Variants in PDZD8 observed in about 807,000 individuals in gnomAD.
PDZD8 encodes PDZ domain-containing protein 8.
PDZD8 carries 14 observed loss-of-function variants against 85.8 expected under a neutral mutation model. That is an observed-to-expected ratio of 0.16 (90% CI 0.11 to 0.26). The LOEUF (loss-of-function observed/expected upper bound fraction) is 0.26, where lower values mean the gene tolerates loss of function less well. Among genes scored for constraint, PDZD8 ranks in the 10% least tolerant of loss-of-function variants. PDZD8 has a pLI of 1.00. For missense variants in PDZD8, 1,197 were observed against 1,424.3 expected, an observed-to-expected ratio of 0.84 and a Z score of 2.57; for synonymous variants, 592 against 568.6, an observed-to-expected ratio of 1.04 and a Z score of -0.59.
intron 1 of PDZD8, among the ~76,000 whole-genome samples, chr10:117,364,580 G>A (rs1214619944): frequency 1.3e-5 from 2 of 151,914 alleles, no homozygotes; most frequent in African/African-American, 2.4e-5. Context: ...TATGTTGAAA[G>A]GTGATATTTA....
At chr10:117,330,059 G>GT (rs201478514) in intron 2 of PDZD8, among the ~76,000 whole-genome samples, 1,621 of 114,738 alleles carry the variant, frequency 0.014, 58 homozygotes, top group African/African-American at 0.05. Context: ...GGAAAAATCT[G>GT]TTTTTTTTTT....
At chr10:117,311,095 T>C (rs532738387) in intron 3 of PDZD8, among the ~76,000 whole-genome samples, 17 of 152,326 alleles carry the variant, frequency 1.1e-4, no homozygotes, top group Non-Finnish European at 2.4e-4. Context: ...AATTTTAGAT[T>C]ATACCTAGTC....
chr10:117,327,926 A>C (rs572131605), intron 2 of PDZD8, among the ~76,000 whole-genome samples: 3 of 152,188 alleles, frequency 2.0e-5, no homozygotes, highest in African/African-American at 7.2e-5. Context: ...TGTAGCTTTT[A>C]GTGGATATTC....
rs772553572 is a variant in PDZD8, at chr10:117,284,427, G to T, written c.2306C>A (p.Thr769Asn). 1 of 1,614,146 alleles carries T rather than the reference G, an allele frequency of 6.2e-7. No individual in the cohort carries two copies. The highest frequency in any genetic ancestry group is 2.2e-5 in the East Asian group (1 of 44,884). The stretch of plus-strand genomic sequence containing the variant: ...TTGCATACTCAGATTGCGTAGTGCG[G>T]TTCTAGTGACTATAGCCTTAGGTGA... Reference protein sequence around the residue: ...APSPKAIVTRTALRNLSMQKG... With the variant: ...APSPKAIVTRNALRNLSMQKG... The change falls in exon 5 of 5, where the codon ACC becomes AAC. Residue 769 changes from threonine (T) to asparagine (N), a missense_variant. Physicochemically the swap from Thr to Asn is moderately conservative, Grantham distance 65. Transcript: ENST00000334464.
intron 1 of PDZD8, among the ~76,000 whole-genome samples, chr10:117,341,644 A>G (rs1844614896): frequency 6.6e-6 from 1 of 152,202 alleles, no homozygotes; most frequent in Non-Finnish European, 1.5e-5. Flanking sequence ...TACAATGTAA[A>G]TGCTATGTAA....
In PDZD8 at chr10:117,375,275, G is replaced by A. The variant is rs1282113350; in HGVS notation, c.-48C>T. Reference sequence around the variant, plus strand: ...CCCCTACTCCCGCGCCCACAGCGCCGCTTTCTTCACGCCGCCGCCCCCGCT... The same window carrying A: ...CCCCTACTCCCGCGCCCACAGCGCCACTTTCTTCACGCCGCCGCCCCCGCT... On this transcript the variant is annotated 5_prime_UTR_variant, in exon 1 of 5. Transcript: ENST00000334464. 1.9e-5 allele frequency: 27 copies of A among 1,406,216 alleles called. No individual in the cohort carries two copies. The highest frequency in any genetic ancestry group is 2.3e-5 in the Non-Finnish European group (25 of 1,078,934). The allele number at this position is 1,406,216 out of a possible 1,614,324, so 87.1% of individuals were successfully genotyped here. A position where few individuals can be genotyped will look rare whatever the true frequency, so the allele number is the denominator to read the frequency against.
chr10:117,344,842 G>A (rs1844677693), intron 1 of PDZD8, among the ~76,000 whole-genome samples: 1 of 152,188 alleles, frequency 6.6e-6, no homozygotes, highest in Non-Finnish European at 1.5e-5. Flanking sequence ...CAAGAGGAGG[G>A]GGATTCCTTC....
intron 1 of PDZD8, among the ~76,000 whole-genome samples, chr10:117,349,844 G>A (rs140562937): frequency 3.3e-5 from 5 of 152,058 alleles, no homozygotes; most frequent in African/African-American, 1.2e-4. Context: ...TAAAGATGTA[G>A]TTCAGTGAAT....
rs1564693486 is a variant in PDZD8, at chr10:117,305,467, CACAT to C, written c.1098+13401_1098+13404del. Among the ~76,000 whole-genome samples the C allele has an allele frequency of 4.8e-3, 504 of 105,358 alleles. 2 individuals carry two copies. The highest frequency in any genetic ancestry group is 8.1e-3 in the East Asian group (28 of 3,462). 69.1% of individuals were successfully genotyped at this position (105,358 alleles called of 152,430 possible). A position where few individuals can be genotyped will look rare whatever the true frequency, so the allele number is the denominator to read the frequency against. On this transcript the variant is annotated intron_variant, in intron 3 of 4. Coordinates refer to ENST00000334464, the MANE Select transcript of PDZD8 (RefSeq NM_173791.5). ...ACACACACACACACATATATACACA[CACAT>C]ACACACACACACACACACACACACA...
intron 2 of PDZD8, among the ~76,000 whole-genome samples, chr10:117,320,276 A>G (rs1489889776): frequency 6.6e-6 from 1 of 152,136 alleles, no homozygotes; most frequent in Non-Finnish European, 1.5e-5. Context: ...CTGTTCAAAG[A>G]GTAAACTACC....
At chr10:117,294,968 A>G (rs985391192) in intron 3 of PDZD8, among the ~76,000 whole-genome samples, 6 of 152,156 alleles carry the variant, frequency 3.9e-5, no homozygotes, top group African/African-American at 1.4e-4. Flanking sequence ...AATGTATTGT[A>G]TATTCCAAAA....
At chr10:117,340,792 ACTTT>A (rs1844598048) in intron 2 of PDZD8, among the ~76,000 whole-genome samples, 184 bp downstream of exon 2, 1 of 152,210 alleles carries the variant, frequency 6.6e-6, no homozygotes, top group African/African-American at 2.4e-5. Context: ...CCATTAAAAC[ACTTT>A]CTAAAATATG....
chr10:117,337,934 A>C (rs1224119012), intron 2 of PDZD8, among the ~76,000 whole-genome samples: 5 of 152,196 alleles, frequency 3.3e-5, no homozygotes, highest in African/African-American at 1.2e-4. Flanking sequence ...TCCAAAAAGA[A>C]AGCACTGTTA....
rs756774203 is a variant in PDZD8 at position 117,374,878 on chromosome 10, C to G, written c.350G>C (p.Arg117Pro). 13 of 1,613,590 alleles carry G rather than the reference C, an allele frequency of 8.1e-6. No individual in the cohort carries two copies. Among genetic ancestry groups the G allele is most frequent in the Non-Finnish European group, 1.1e-5 (13 of 1,179,910 alleles). Residue 117 changes from arginine to proline, a missense_variant, in exon 1 of 5, where the codon CGC becomes CCC. By Grantham distance (103) the Arg-to-Pro change is moderately radical (BLOSUM62 -2). Around this residue, in one of 4 missense-constraint regions of PDZD8, gnomAD observed 344 missense variants for 453.6 expected, o/e 0.76. Coordinates refer to ENST00000334464, the MANE Select transcript of PDZD8 (RefSeq NM_173791.5). This position sits in a 1 kb window ranked among gnomAD's most constrained non-coding sequence, Gnocchi z 7.8. ...CACCTTGATCTTCTTGGTGACCCAG[C>G]GGCGGGTCAGCGCGGTGTCCCGCAA... is the stretch of plus-strand genomic sequence containing the variant. The part of the protein sequence containing the change: ...RELRDTALTR[R>P]WVTKKIKVEF...
chr10:117,298,092 A>C (rs1843785869), intron 3 of PDZD8, among the ~76,000 whole-genome samples: 1 of 152,166 alleles, frequency 6.6e-6, no homozygotes, highest in Non-Finnish European at 1.5e-5. Flanking sequence ...AATCAAATGC[A>C]TACTGACTTT....
chr10:117,304,023 G>C (rs1158689236), intron 3 of PDZD8, among the ~76,000 whole-genome samples: 1 of 152,152 alleles, frequency 6.6e-6, no homozygotes, highest in African/African-American at 2.4e-5. Context: ...TGAGAAGAGG[G>C]CCACCATCCT....
intron 1 of PDZD8, among the ~76,000 whole-genome samples, chr10:117,343,313 G>T (rs2532791): frequency 6.6e-6 from 1 of 152,190 alleles, no homozygotes; most frequent in African/African-American, 2.4e-5. Flanking sequence ...ATGCTCAGTG[G>T]TTTTCTCCTG....
rs73393113 is a variant in PDZD8 at position 117,374,922 on chromosome 10, G to A, written c.306C>T (p.Ile102=). Residue 102 remains isoleucine (I), a synonymous_variant, in exon 1 of 5, where the codon ATC becomes ATT. Coordinates refer to ENST00000334464, the MANE Select transcript of PDZD8 (RefSeq NM_173791.5). This position sits in a 1 kb window ranked among gnomAD's most constrained non-coding sequence, Gnocchi z 7.8. The part of the protein sequence containing the change: ...RETCYFLNAT[I]LFLFRELRDT... ...CCCGCAACTCCCGGAACAGGAATAG[G>A]ATGGTGGCGTTGAGGAAGTAGCAAG... The A allele has an allele frequency of 4.0e-3, 6,408 of 1,613,426 alleles. 215 individuals carry two copies. The African/African-American group carries it at 0.076, about 19-fold the overall frequency.
rs774727327 is a variant in PDZD8, at chr10:117,279,126, T to C, written c.*4142A>G. 6.6e-6 allele frequency: 1 copy of C among 152,206 alleles called. No homozygotes were observed. The highest frequency in any genetic ancestry group is 1.5e-5 in the Non-Finnish European group (1 of 68,040). The allele number at this position is 152,206 out of a possible 1,614,324, so 9.4% of individuals were successfully genotyped here. ...ATAAGATAAAATATAAATAAAACCT[T>C]CAGAACTGTTTTGGAGCAAAAGATA... On this transcript the variant is annotated 3_prime_UTR_variant, in exon 5 of 5. Transcript: ENST00000334464.
Sources: allele counts gnomAD v4.1 joint callset (sites outside exome capture counted in the v4.1 genomes callset), GRCh38; gene constraint gnomAD v4.1.1; regional missense constraint gnomAD v4.1.1; non-coding constraint Gnocchi (gnomAD v3.1); transcripts MANE v1.5; gene names NCBI Gene and HGNC (gene_info 2026-07-23, HGNC 2026-07-21).